Variants in NAT2 observed in about 807,000 individuals in gnomAD.
NAT2 encodes N-acetyltransferase 2.
For synonymous variants in NAT2, 137 were observed against 125.9 expected (o/e 1.09, Z -0.59); for missense variants, 428 against 339.1 (o/e 1.26, Z -2.06).
upstream of NAT2, among the ~76,000 whole-genome samples, chr8:18,389,771 T>C (rs2117609427): frequency 6.6e-6 from 1 of 152,308 alleles, no homozygotes; most frequent in Middle Eastern, 3.4e-3. Context: ...CATCAGTGTT[T>C]ATAATAACCA....
At chr8:18,392,720 G>C (rs1430237939) in intron 1 of NAT2, among the ~76,000 whole-genome samples, 1 of 152,220 alleles carries the variant, frequency 6.6e-6, no homozygotes. Flanking sequence ...ACTTGAGAAT[G>C]AAGACCCAAC....
chr8:18,400,943 T>C lies in NAT2; in HGVS notation c.*67T>C. 12 of 1,199,816 alleles carry C rather than the reference T, an allele frequency of 1.0e-5. No homozygotes were observed. The South Asian group carries it at 2.0e-4, about 20-fold the overall frequency. The allele number at this position is 1,199,816 out of a possible 1,614,324, so 74.3% of individuals were successfully genotyped here. ...TCACTAATTATCAACTTATGTGCTATCAGATATCCTCTCTACCCTCACGTT... is the reference window on the plus strand; with the variant it reads ...TCACTAATTATCAACTTATGTGCTACCAGATATCCTCTCTACCCTCACGTT... On this transcript the variant is annotated 3_prime_UTR_variant, in exon 2 of 2. Transcript: ENST00000286479.
In NAT2 at chr8:18,400,955, T is replaced by G. The variant is rs1035104158; in HGVS notation, c.*79T>G. On this transcript the variant is annotated 3_prime_UTR_variant, in exon 2 of 2. Coordinates refer to ENST00000286479, the MANE Select transcript of NAT2 (RefSeq NM_000015.3). ...AACTTATGTGCTATCAGATATCCTC[T>G]CTACCCTCACGTTATTTTGAAGAAA... 1 of 1,018,804 alleles carries G rather than the reference T, an allele frequency of 9.8e-7. No homozygotes were observed. Among genetic ancestry groups the G allele is most frequent in the African/African-American group, 1.6e-5 (1 of 60,738 alleles). The allele number at this position is 1,018,804 out of a possible 1,614,324, so 63.1% of individuals were successfully genotyped here.
chr8:18,386,411 T>C (rs912577868), upstream of NAT2, among the ~76,000 whole-genome samples: 1 of 152,048 alleles, frequency 6.6e-6, no homozygotes, highest in African/African-American at 2.4e-5. Context: ...CTTCCACCCT[T>C]TGAATTTTGA....
rs76638528 is a variant in NAT2, at chr8:18,393,262, A to G, written c.-7+1917A>G. 9.5e-3 allele frequency among the ~76,000 whole-genome samples: 1,451 copies of G among 152,252 alleles called. 24 individuals are homozygous for G. The highest frequency in any genetic ancestry group is 0.033 in the African/African-American group (1,372 of 41,530). On this transcript the variant is annotated intron_variant, in intron 1 of 1. Coordinates refer to ENST00000286479, the MANE Select transcript of NAT2 (RefSeq NM_000015.3). ...TAGATAGAGACAGTCATAGCAGTGGAAAAACACATTTGGGATAAATATAAA... is the reference window on the plus strand; with the variant it reads ...TAGATAGAGACAGTCATAGCAGTGGGAAAACACATTTGGGATAAATATAAA...
rs765188193 is a variant in NAT2 at position 18,400,319 on chromosome 8, GT to G, written c.318del (p.His107ThrfsTer6). 13 of 1,613,662 alleles carry G rather than the reference GT, an allele frequency of 8.1e-6. No individual in the cohort carries two copies. In the South Asian group the frequency reaches 1.4e-4, roughly 18 times the overall value. On this transcript the variant is annotated frameshift_variant, in exon 2 of 2. Coordinates refer to ENST00000286479, the MANE Select transcript of NAT2 (RefSeq NM_000015.3). LOFTEE classifies it low-confidence loss of function (END_TRUNC). The stretch of plus-strand genomic sequence containing the variant: ...AGTTAACAAATACAGCACTGGCATG[GT>G]TCACCTTCTCCTGCAGGTGACCATT... ...PPVNKYSTGMVHLLLQVTIDG... is the reference protein window; with the variant it reads ...PPVNKYSTGMXHLLLQVTIDG...
At chr8:18,395,311 G>A (rs889352620) in intron 1 of NAT2, among the ~76,000 whole-genome samples, 1 of 151,974 alleles carries the variant, frequency 6.6e-6, no homozygotes, top group East Asian at 1.9e-4. Flanking sequence ...AGAAGTCTTA[G>A]GACAGCCATG....
intron 1 of NAT2, among the ~76,000 whole-genome samples, chr8:18,392,098 C>CT (rs1462758843): frequency 6.6e-6 from 1 of 152,184 alleles, no homozygotes; most frequent in African/African-American, 2.4e-5. Context: ...TGTTGGCCCC[C>CT]TAAAGCTTCA....
upstream of NAT2, among the ~76,000 whole-genome samples, chr8:18,389,206 C>T (rs1800555042): frequency 6.6e-6 from 1 of 152,206 alleles, no homozygotes; most frequent in South Asian, 2.1e-4. Flanking sequence ...AGGTTTCCAA[C>T]AATCAAGGAG....
At chr8:18,394,514 T>C (rs1187721914) in intron 1 of NAT2, among the ~76,000 whole-genome samples, 1 of 152,210 alleles carries the variant, frequency 6.6e-6, no homozygotes. Flanking sequence ...ATTAGACCTC[T>C]TAAAAGCATC....
At chr8:18,386,944 G>A (rs1800513839), upstream of NAT2, among the ~76,000 whole-genome samples, 1 of 152,232 alleles carries the variant, frequency 6.6e-6, no homozygotes, top group Admixed American at 6.5e-5. Flanking sequence ...ACATGGAGAA[G>A]CCGAGTTCCA....
intron 1 of NAT2, among the ~76,000 whole-genome samples, chr8:18,399,365 T>C (rs1225984007): frequency 6.6e-6 from 1 of 152,224 alleles, no homozygotes; most frequent in Non-Finnish European, 1.5e-5. Context: ...AGACTGCATG[T>C]TTTATCCATT....
chr8:18,387,563 G>A, upstream of NAT2: 1 of 153,564 alleles, frequency 6.5e-6, no homozygotes, highest in Non-Finnish European at 1.5e-5. Flanking sequence ...GACGGCTCCT[G>A]CGGCTCCTTG....
chr8:18,395,014 T>C (rs1202577665), intron 1 of NAT2, among the ~76,000 whole-genome samples: 1 of 152,170 alleles, frequency 6.6e-6, no homozygotes, highest in African/African-American at 2.4e-5. Context: ...AAATTTTGAC[T>C]CTGAAAAACA....
chr8:18,395,586 A>C lies in NAT2; in HGVS notation c.-7+4241A>C, dbSNP rs117812655. Among the ~76,000 whole-genome samples, 150 of 152,268 alleles carry C rather than the reference A, an allele frequency of 9.9e-4. 1 individual carries two copies. In the East Asian group the frequency reaches 0.026, roughly 27 times the overall value. ...TCTGTTTTTGGCTTCAGGGGACTTA[A>C]TATCAAAAAAGATAATGAGGTCAAC... On this transcript the variant is annotated intron_variant, in intron 1 of 1. Transcript: ENST00000286479.
intron 1 of NAT2, among the ~76,000 whole-genome samples, chr8:18,399,579 G>A (rs779857053): frequency 6.6e-6 from 1 of 152,118 alleles, no homozygotes; most frequent in East Asian, 1.9e-4. Context: ...AATCAAGTGG[G>A]TCATGTACCA....
At chr8:18,397,526 T>C (rs2117618276) in intron 1 of NAT2, among the ~76,000 whole-genome samples, 1 of 152,296 alleles carries the variant, frequency 6.6e-6, no homozygotes, top group East Asian at 1.9e-4. Context: ...GTGGCATGTG[T>C]ATAATCAAAT....
rs1563249910 is a variant in NAT2 at position 18,399,976 on chromosome 8, ATGTTT to A, written c.-6-15_-6-11del. On this transcript the variant is annotated splice_polypyrimidine_tract_variant and intron_variant, in intron 1 of 1. Coordinates refer to ENST00000286479, the MANE Select transcript of NAT2 (RefSeq NM_000015.3). ...AAATGCTAAAGTATGATATGTTTTT[ATGTTT>A]TGTTTTTCTTGCTTAGGGGATCATG... 1 of 1,535,030 alleles carries A rather than the reference ATGTTT, an allele frequency of 6.5e-7. No individual in the cohort carries two copies. Among genetic ancestry groups the A allele is most frequent in the South Asian group, 1.3e-5 (1 of 77,608 alleles).
In NAT2 at chr8:18,400,715, A is replaced by T; in HGVS notation, c.712A>T (p.Ile238Phe). 6.2e-7 allele frequency: 1 copy of T among 1,613,868 alleles called. No individual in the cohort carries two copies. Among genetic ancestry groups the T allele is most frequent in the South Asian group, 1.1e-5 (1 of 91,074 alleles). ...AGGGGTTTACTGTTTGGTGGGCTTC[A>T]TCCTCACCTATAGAAAATTCAATTA... is the stretch of plus-strand genomic sequence containing the variant. ...PEGVYCLVGF[I>F]LTYRKFNYKD... The change falls in exon 2 of 2, where the codon ATC (isoleucine) becomes TTC (phenylalanine). Residue 238 changes from isoleucine (I) to phenylalanine (F), a missense_variant. Coordinates refer to ENST00000286479, the MANE Select transcript of NAT2 (RefSeq NM_000015.3).
Sources: gnomAD v4.1 joint callset for allele counts (sites outside exome capture counted in the v4.1 genomes callset) on GRCh38, gnomAD v4.1.1 for gene constraint, MANE v1.5 for transcripts, NCBI Gene and HGNC (gene_info 2026-07-23, HGNC 2026-07-21) for gene names.